Variants in MAML3 observed in about 807,000 individuals in gnomAD.
The protein encoded by MAML3 is mastermind like transcriptional coactivator 3, also known as mastermind-like protein 3.
A neutral mutation model predicts 101.9 loss-of-function variants in MAML3; 27 were observed. The ratio of observed to expected loss-of-function variants is 0.27; its 90% CI spans 0.20 to 0.37. The LOEUF (loss-of-function observed/expected upper bound fraction) is 0.37, where lower values mean the gene tolerates loss of function less well. Ranked by LOEUF, MAML3 falls within the 10% of genes least tolerant of loss-of-function variation. MAML3 has a pLI of 1.00. For missense variants in MAML3, 1,316 were observed against 1,444.9 expected, an observed-to-expected ratio of 0.91 and a Z score of 1.45; for synonymous variants, 501 against 555.9, an observed-to-expected ratio of 0.90 and a Z score of 1.39.
At chr4:140,141,166 T>C (rs572759632) in intron 1 of MAML3, among the ~76,000 whole-genome samples, 8 of 152,316 alleles carry the variant, frequency 5.3e-5, no homozygotes, top group Admixed American at 2.0e-4. Flanking sequence ...ATTATTATCT[T>C]AGTGTAAGGG....
intron 2 of MAML3, among the ~76,000 whole-genome samples, chr4:139,761,242 G>C (rs543636101): frequency 6.6e-6 from 1 of 152,156 alleles, no homozygotes; most frequent in Admixed American, 6.5e-5. Flanking sequence ...TTACAGGCAT[G>C]AGCCGCTACA....
At chr4:140,069,561 AGGAGGAGGAGG>A (rs1474859086) in intron 1 of MAML3, among the ~76,000 whole-genome samples, 1 of 82,340 alleles carries the variant, frequency 1.2e-5, no homozygotes, top group Non-Finnish European at 2.3e-5. Flanking sequence ...GGAGGAGGGG[AGGAGGAGGAGG>A]GGAGGAGGAG....
chr4:139,743,183 C>T (rs932521111), intron 2 of MAML3, among the ~76,000 whole-genome samples: 3 of 152,224 alleles, frequency 2.0e-5, no homozygotes, highest in Non-Finnish European at 4.4e-5. Context: ...AAGTTACACG[C>T]CTCCTTTAAG....
chr4:139,723,168 A>T (rs1057270682), intron 4 of MAML3, among the ~76,000 whole-genome samples: 3 of 152,206 alleles, frequency 2.0e-5, no homozygotes, highest in Non-Finnish European at 4.4e-5. Context: ...AGGATCTGTT[A>T]AGTGGAAAAG....
At chr4:139,989,425 G>C (rs1220635117) in intron 1 of MAML3, among the ~76,000 whole-genome samples, 2 of 152,120 alleles carry the variant, frequency 1.3e-5, no homozygotes. Flanking sequence ...GGCTTCTGCT[G>C]CCTTCTGCCT....
intron 2 of MAML3, among the ~76,000 whole-genome samples, chr4:139,774,578 G>C (rs747343785): frequency 1.3e-5 from 2 of 152,186 alleles, no homozygotes; most frequent in Non-Finnish European, 2.9e-5. Context: ...GTATAATTGT[G>C]TGAAGTCTGA....
At chr4:139,725,613 T>G (rs73854337) in intron 4 of MAML3, 138 bp downstream of exon 4, 10,214 of 858,532 alleles carry the variant, frequency 0.012, 469 homozygotes, top group African/African-American at 0.12. Flanking sequence ...TGGTTAGTAC[T>G]CTTAACCTAC....
At chr4:139,748,525 T>C (rs1223025163) in intron 2 of MAML3, among the ~76,000 whole-genome samples, 1 of 151,888 alleles carries the variant, frequency 6.6e-6, no homozygotes, top group African/African-American at 2.4e-5. Context: ...TGAGTAAAAC[T>C]GAAGGAGCAG....
At chr4:139,829,022 GA>G (rs1731115605) in intron 2 of MAML3, among the ~76,000 whole-genome samples, 1 of 76,650 alleles carries the variant, frequency 1.3e-5, no homozygotes, top group South Asian at 4.0e-4. Context: ...AGGAAGGAAG[GA>G]CGGACGGACG....
chr4:139,895,630 G>C (rs1226060250), intron 1 of MAML3, among the ~76,000 whole-genome samples: 3 of 152,294 alleles, frequency 2.0e-5, no homozygotes, highest in East Asian at 1.9e-4. Flanking sequence ...ATGCTTACTG[G>C]ATCTTCAAAA....
At position 139,771,324 on chromosome 4, in the gene MAML3, G is replaced by A. The variant is rs112840549; in HGVS notation, c.2080-40657C>T. ...CCTCATGTTATGGGCTGATCATCCT[G>A]TATATCTAAGGACCCTTTTTGCAGT... On this transcript the variant is annotated intron_variant, in intron 2 of 4. Coordinates refer to ENST00000509479, the MANE Select transcript of MAML3 (RefSeq NM_018717.5). 1.8e-3 allele frequency among the ~76,000 whole-genome samples: 281 copies of A among 152,262 alleles called. 1 individual carries two copies. The highest frequency in any genetic ancestry group is 6.4e-3 in the African/African-American group (265 of 41,538).
chr4:139,776,504 C>T (rs979166628), intron 2 of MAML3, among the ~76,000 whole-genome samples: 1 of 152,156 alleles, frequency 6.6e-6, no homozygotes, highest in Non-Finnish European at 1.5e-5. Context: ...ACAAAGCTCC[C>T]GGCAGCTTTA....
intron 1 of MAML3, among the ~76,000 whole-genome samples, chr4:140,152,248 T>C (rs1729186042): frequency 6.6e-6 from 1 of 152,162 alleles, no homozygotes; most frequent in Non-Finnish European, 1.5e-5. Context: ...TCTCACCCAC[T>C]TCAAAGTTCA....
intron 1 of MAML3, among the ~76,000 whole-genome samples, chr4:140,119,420 C>A (rs958113972): frequency 6.6e-6 from 1 of 152,094 alleles, no homozygotes; most frequent in Non-Finnish European, 1.5e-5. Context: ...CTTTTCTTAC[C>A]TTTCTTTCTC....
intron 2 of MAML3, among the ~76,000 whole-genome samples, chr4:139,798,074 A>AAGAAAGAG (rs1001990603): frequency 7.0e-6 from 1 of 142,050 alleles, no homozygotes; most frequent in African/African-American, 2.9e-5. Context: ...GAAAGAAAGA[A>AAGAAAGAG]AGAAAGAAAG....
chr4:139,768,144 T>C (rs914733569), intron 2 of MAML3, among the ~76,000 whole-genome samples: 1 of 152,062 alleles, frequency 6.6e-6, no homozygotes, highest in Non-Finnish European at 1.5e-5. Context: ...AGATTTTGGA[T>C]ATTAGTCCTT....
chr4:140,121,503 G>T (rs1269354723), intron 1 of MAML3, among the ~76,000 whole-genome samples: 6 of 152,184 alleles, frequency 3.9e-5, no homozygotes, highest in African/African-American at 1.4e-4. Context: ...GAGGTGTTAG[G>T]CTGTGTAGAC....
chr4:140,008,627 A>G (rs1726496969), intron 1 of MAML3, among the ~76,000 whole-genome samples: 1 of 152,174 alleles, frequency 6.6e-6, no homozygotes, highest in African/African-American at 2.4e-5. Flanking sequence ...GCCTGCCTTT[A>G]TATTGATTTT....
At chr4:140,101,379 T>G (rs1285146341) in intron 1 of MAML3, among the ~76,000 whole-genome samples, 1 of 152,182 alleles carries the variant, frequency 6.6e-6, no homozygotes, top group East Asian at 1.9e-4. Flanking sequence ...GTTGAAGGGA[T>G]GAGAAACTCA....
Sources: allele counts gnomAD v4.1 joint callset (sites outside exome capture counted in the v4.1 genomes callset), GRCh38; gene constraint gnomAD v4.1.1; transcripts MANE v1.5; gene names NCBI Gene and HGNC (gene_info 2026-07-23, HGNC 2026-07-21).